ELAVL4: variants seen among roughly 807,000 people sequenced by gnomAD.
The protein encoded by ELAVL4 is ELAV-like protein 4.
In ELAVL4, 1 loss-of-function variant was observed where a neutral mutation model predicts 35.6. The observed-to-expected ratio is 0.03, with a 90% CI of 0.01 to 0.13. The LOEUF (loss-of-function observed/expected upper bound fraction) is 0.13, where lower values mean the gene tolerates loss of function less well. ELAVL4 is among the 10% of genes least tolerant of loss of function. ELAVL4 has a pLI of 1.00. For synonymous variants in ELAVL4, 156 were observed against 171.0 expected (o/e 0.91, Z 0.69); for missense variants, 267 against 464.9 (o/e 0.57, Z 3.91).
At chr1:50,175,797 T>C (rs928625081) in intron 2 of ELAVL4, 1 of 152,180 alleles carries the variant, frequency 6.6e-6, no homozygotes, top group Non-Finnish European at 1.5e-5. Context: ...GTTGGAAAGA[T>C]TTTTTGGCCG....
At chr1:50,164,526 C>T (rs1677390186) in intron 2 of ELAVL4, among the ~76,000 whole-genome samples, 1 of 152,174 alleles carries the variant, frequency 6.6e-6, no homozygotes, top group Non-Finnish European at 1.5e-5. Flanking sequence ...ACTTTGAGGT[C>T]AGGCACAGTG....
intron 2 of ELAVL4, among the ~76,000 whole-genome samples, chr1:50,162,469 A>T (rs1396362651): frequency 6.6e-6 from 1 of 152,216 alleles, no homozygotes; most frequent in African/African-American, 2.4e-5. Flanking sequence ...TTTATGCCAC[A>T]TGATGAGTAC....
At chr1:50,192,744 G>A (rs1682861975) in intron 3 of ELAVL4, among the ~76,000 whole-genome samples, 1 of 152,122 alleles carries the variant, frequency 6.6e-6, no homozygotes, top group Admixed American at 6.5e-5. Context: ...AGCTTTAGCA[G>A]GAAAGTGCTT....
intron 1 of ELAVL4, among the ~76,000 whole-genome samples, chr1:50,098,448 A>G (rs1665809367): frequency 6.6e-6 from 1 of 152,220 alleles, no homozygotes; most frequent in South Asian, 2.1e-4. Context: ...GCCTAGCATC[A>G]TTGTGGTTAC....
chr1:50,161,445 C>T (rs1676790251), intron 2 of ELAVL4, among the ~76,000 whole-genome samples: 1 of 152,020 alleles, frequency 6.6e-6, no homozygotes, highest in South Asian at 2.1e-4. Context: ...ACTGAGGCTT[C>T]TATTGTCCTA....
chr1:50,185,892 G>A (rs758147918), intron 3 of ELAVL4, among the ~76,000 whole-genome samples: 4 of 152,108 alleles, frequency 2.6e-5, no homozygotes, highest in Non-Finnish European at 5.9e-5. Flanking sequence ...TTATAAAGCA[G>A]GAGCCAGGAG....
chr1:50,126,776 C>T (rs2494886), intron 1 of ELAVL4, among the ~76,000 whole-genome samples: 151,171 of 152,264 alleles, frequency 0.99, 75,053 homozygotes, highest in East Asian at 1. Flanking sequence ...ATGTGTAGAC[C>T]TGAAATTACC....
At chr1:50,077,622 C>T (rs1664821913) in intron 1 of ELAVL4, among the ~76,000 whole-genome samples, 1 of 152,150 alleles carries the variant, frequency 6.6e-6, no homozygotes, top group Non-Finnish European at 1.5e-5. Context: ...ATCTGGTCAC[C>T]CTGTGACCCA....
At chr1:50,077,921 C>T (rs1033412686) in intron 1 of ELAVL4, among the ~76,000 whole-genome samples, 1 of 152,102 alleles carries the variant, frequency 6.6e-6, no homozygotes, top group African/African-American at 2.4e-5. Context: ...TGCATTAAGA[C>T]ATGGTGAAGA....
At chr1:50,138,219 A>C (rs778295236) in intron 1 of ELAVL4, among the ~76,000 whole-genome samples, 4 of 152,164 alleles carry the variant, frequency 2.6e-5, no homozygotes, top group Non-Finnish European at 5.9e-5. Flanking sequence ...CAAGAAGTGA[A>C]AGAGTGCTAG....
At chr1:50,198,190 A>T (rs1284563614) in intron 6 of ELAVL4, among the ~76,000 whole-genome samples, 1 of 152,166 alleles carries the variant, frequency 6.6e-6, no homozygotes, top group Non-Finnish European at 1.5e-5. Flanking sequence ...CCCAGAGTCA[A>T]GGCTTTTGGG....
At chr1:50,178,490 A>T (rs1680465520) in intron 3 of ELAVL4, among the ~76,000 whole-genome samples, 1 of 152,172 alleles carries the variant, frequency 6.6e-6, no homozygotes, top group Non-Finnish European at 1.5e-5. Flanking sequence ...TTACTTTTGC[A>T]ATTGAGTTTA....
chr1:50,106,549 C>A (rs1666329335), upstream of ELAVL4, among the ~76,000 whole-genome samples: 1 of 151,924 alleles, frequency 6.6e-6, no homozygotes, highest in Middle Eastern at 3.2e-3. Context: ...CTGCCTGATT[C>A]TTGAGATAAT....
chr1:50,159,275 A>G (rs1238631886), intron 2 of ELAVL4, among the ~76,000 whole-genome samples: 1 of 152,158 alleles, frequency 6.6e-6, no homozygotes, highest in Non-Finnish European at 1.5e-5. Flanking sequence ...GGGTTCTGTG[A>G]CCAAATGAGT....
At chr1:50,123,738 C>T (rs553132575) in intron 1 of ELAVL4, among the ~76,000 whole-genome samples, 4 of 152,050 alleles carry the variant, frequency 2.6e-5, no homozygotes, top group South Asian at 2.1e-4. Context: ...AACTGCACCA[C>T]GGTGTTCCCT....
intron 2 of ELAVL4, among the ~76,000 whole-genome samples, chr1:50,145,612 A>G (rs113385989): frequency 2.1e-4 from 32 of 152,284 alleles, no homozygotes; most frequent in African/African-American, 7.5e-4. Flanking sequence ...AAGTGTTTTA[A>G]AGGGGGCCAC....
upstream of ELAVL4, among the ~76,000 whole-genome samples, chr1:50,104,179 C>T (rs1666137597): frequency 6.6e-6 from 1 of 152,110 alleles, no homozygotes; most frequent in Non-Finnish European, 1.5e-5. Flanking sequence ...CCCCCCAGTC[C>T]CCAGTATCCC....
intron 1 of ELAVL4, chr1:50,144,577 C>T: frequency 2.1e-6 from 1 of 471,566 alleles, no homozygotes; most frequent in South Asian, 1.6e-5. Context: ...TTAGCTTTTT[C>T]AGCTTTAATG....
chr1:50,137,877 A>G (rs1672143623), intron 1 of ELAVL4, among the ~76,000 whole-genome samples: 1 of 152,140 alleles, frequency 6.6e-6, no homozygotes, highest in Non-Finnish European at 1.5e-5. Context: ...GTTCTCTTCT[A>G]ATAATATTAG....
Sources: allele counts gnomAD v4.1 joint callset (sites outside exome capture counted in the v4.1 genomes callset), GRCh38; gene constraint gnomAD v4.1.1; transcripts MANE v1.5; gene names NCBI Gene and HGNC (gene_info 2026-07-23, HGNC 2026-07-21).